CD163L1: variants seen among roughly 807,000 people sequenced by gnomAD.
The protein encoded by CD163L1 is scavenger receptor cysteine-rich type 1 protein M160.
In CD163L1, 124 loss-of-function variants were observed where a neutral mutation model predicts 165.4. The observed-to-expected ratio is 0.75, with a 90% confidence interval of 0.65 to 0.87. The LOEUF (loss-of-function observed/expected upper bound fraction) is 0.87. Ranked by LOEUF, CD163L1 falls within the 40% of genes least tolerant of loss-of-function variation. CD163L1 has a pLI of 0.00. For missense variants in CD163L1, 1,525 were observed against 1,799.9 expected (o/e 0.85, Z 2.76); for synonymous variants, 585 against 662.2 (o/e 0.88, Z 1.79).
the CD163L1 span, among the ~76,000 whole-genome samples, chr12:7,336,967 A>G: frequency 1.3e-5 from 2 of 152,178 alleles, no homozygotes; most frequent in African/African-American, 2.4e-5. Flanking sequence ...TGGTACCAAA[A>G]CAGATACATA....
chr12:7,370,483 T>C (rs1217044052), intron 14 of CD163L1, among the ~76,000 whole-genome samples: 1 of 151,574 alleles, frequency 6.6e-6, no homozygotes, highest in Non-Finnish European at 1.5e-5. Context: ...GGGATTTCTC[T>C]ATTGGATTTT....
the CD163L1 span, among the ~76,000 whole-genome samples, chr12:7,336,323 C>G: frequency 6.6e-6 from 1 of 151,194 alleles, no homozygotes; most frequent in African/African-American, 2.4e-5. Flanking sequence ...GAATACTATG[C>G]AGCCATAAAA....
chr12:7,347,770 CAA>C lies in CD163L1; in HGVS notation c.*25-625_*25-624del, dbSNP rs386375519. ...TGGGTGACAGAGCGAGACTCCGTCT[CAA>C]AAAAAAAAAGAAAAAGAAATGGTCT... On this transcript the variant is annotated intron_variant, in intron 4 of 4. Transcript: ENST00000539726. This position sits in a 1 kb window ranked among gnomAD's most constrained non-coding sequence, Gnocchi z 4.2. 7.6e-6 allele frequency among the ~76,000 whole-genome samples: 1 copy of C among 131,510 alleles called. No homozygotes were observed. 86.3% of individuals were successfully genotyped at this position (131,510 alleles called of 152,430 possible). A position where few individuals can be genotyped will look rare whatever the true frequency, so the allele number is the denominator to read the frequency against.
chr12:7,330,400 C>A, the CD163L1 span, among the ~76,000 whole-genome samples: 1 of 152,210 alleles, frequency 6.6e-6, no homozygotes, highest in Admixed American at 6.5e-5. Flanking sequence ...GTTTACTTCA[C>A]AGACTTTGTT....
chr12:7,332,035 A>G, the CD163L1 span, among the ~76,000 whole-genome samples: 1 of 152,188 alleles, frequency 6.6e-6, no homozygotes, highest in African/African-American at 2.4e-5. Context: ...AAAACCTTGA[A>G]AAAAAATTAG....
At chr12:7,402,638 ATT>A (rs200594568) in intron 6 of CD163L1, among the ~76,000 whole-genome samples, 19 of 144,756 alleles carry the variant, frequency 1.3e-4, no homozygotes, top group African/African-American at 4.0e-4. Context: ...TATTTATTTC[ATT>A]TTTTTTTTTT....
intron 8 of CD163L1, among the ~76,000 whole-genome samples, chr12:7,384,416 T>C (rs1180774235): frequency 6.6e-6 from 1 of 152,116 alleles, no homozygotes; most frequent in Non-Finnish European, 1.5e-5. Flanking sequence ...AAAAGATACT[T>C]AGATATCCAG....
intron 5 of CD163L1, among the ~76,000 whole-genome samples, chr12:7,404,649 C>G (rs760375195): frequency 6.6e-6 from 1 of 152,264 alleles, no homozygotes; most frequent in Admixed American, 6.5e-5. Context: ...TCCCATTATT[C>G]AAGCTTTTCA....
chr12:7,322,026 G>C, the CD163L1 span, among the ~76,000 whole-genome samples: 1 of 152,178 alleles, frequency 6.6e-6, no homozygotes, highest in African/African-American at 2.4e-5. Flanking sequence ...TGTGTAAATA[G>C]GGGTTGAGAA....
chr12:7,431,043 G>T (rs939502630), intron 4 of CD163L1, among the ~76,000 whole-genome samples: 1 of 152,114 alleles, frequency 6.6e-6, no homozygotes, highest in African/African-American at 2.4e-5. Context: ...CTGGGGAGAG[G>T]TCGTTGCTTT....
At chr12:7,334,441 C>A in the CD163L1 span, among the ~76,000 whole-genome samples, 1 of 152,138 alleles carries the variant, frequency 6.6e-6, no homozygotes, top group African/African-American at 2.4e-5. Context: ...AATTCAACAA[C>A]CCTTCATGCT....
At chr12:7,357,684 T>C (rs1235127525) in intron 18 of CD163L1, 198 bp from the exon 19 acceptor site, 6 of 373,720 alleles carry the variant, frequency 1.6e-5, no homozygotes, top group Non-Finnish European at 2.4e-5. Context: ...CATTAAGTGT[T>C]ACCAAAACAA....
At chr12:7,417,335 C>G (rs1387957976) in intron 4 of CD163L1, among the ~76,000 whole-genome samples, 1 of 152,130 alleles carries the variant, frequency 6.6e-6, no homozygotes, top group African/African-American at 2.4e-5. Flanking sequence ...ATGGGGTTTT[C>G]TAACTATACA....
chr12:7,421,139 G>GTA (rs10681947), intron 4 of CD163L1, among the ~76,000 whole-genome samples: 121,250 of 122,976 alleles, frequency 0.99, 59,781 homozygotes, highest in Middle Eastern at 1. Flanking sequence ...ACGTATATAT[G>GTA]TATATATGTG....
In CD163L1 at chr12:7,374,721, G is replaced by A. The variant is rs1187362640; in HGVS notation, c.3130C>T (p.Arg1044Cys). 23 of 1,614,000 alleles carry A rather than the reference G, an allele frequency of 1.4e-5. No homozygotes were observed. The highest frequency in any genetic ancestry group is 8.0e-5 in the African/African-American group (6 of 75,040). ...KRLRLVDGDS[R>C]CAGRVEIYHD... ...TAGATCTCTACTCTCCCGGCACAGC[G>A]GCTGTCCCCATCCACTAGGCGGAGC... Residue 1044 changes from arginine (R) to cysteine (C), a missense_variant, in exon 13 of 20, where the codon CGC becomes TGC. Transcript: ENST00000313599. This position sits in a 1 kb window ranked among gnomAD's most constrained non-coding sequence, Gnocchi z 5.4.
the CD163L1 span, among the ~76,000 whole-genome samples, chr12:7,339,928 C>T: frequency 1.3e-5 from 2 of 152,090 alleles, no homozygotes; most frequent in African/African-American, 2.4e-5. Context: ...GGTATGAGAT[C>T]ATCATACAAA....
chr12:7,406,181 A>C (rs1224607041), intron 5 of CD163L1, among the ~76,000 whole-genome samples: 1 of 152,220 alleles, frequency 6.6e-6, no homozygotes, highest in East Asian at 1.9e-4. Flanking sequence ...CAAAGTGATT[A>C]CACATTTTAA....
chr12:7,322,119 A>C, the CD163L1 span, among the ~76,000 whole-genome samples: 1 of 152,222 alleles, frequency 6.6e-6, no homozygotes, highest in East Asian at 1.9e-4. Flanking sequence ...GCTCATCAAA[A>C]GCACTTAGTA....
intron 13 of CD163L1, 69 bp from the exon 14 acceptor site, chr12:7,373,709 C>A: frequency 7.5e-7 from 1 of 1,340,234 alleles, no homozygotes; most frequent in South Asian, 1.4e-5. Flanking sequence ...CCCAAGGAAT[C>A]CATTTTTCCC....
Sources: gnomAD v4.1 joint callset for allele counts (sites outside exome capture counted in the v4.1 genomes callset) on GRCh38, gnomAD v4.1.1 for gene constraint, Gnocchi (gnomAD v3.1) non-coding constraint, MANE v1.5 for transcripts, NCBI Gene and HGNC (gene_info 2026-07-23, HGNC 2026-07-21) for gene names.